The following LRR1 variants were observed in gnomAD, a reference collection of about 807,000 sequenced individuals.
The protein encoded by LRR1 is leucine-rich repeat protein 1.
In LRR1, 29 loss-of-function variants were observed where a neutral mutation model predicts 31.6. The observed-to-expected ratio is 0.92, with a 90% confidence interval of 0.68 to 1.25. LRR1 has a LOEUF of 1.25. Ranked by LOEUF, LRR1 falls within the 50% of genes most tolerant of loss-of-function variation. The probability of loss-of-function intolerance (pLI) is 0.00; values close to 1 mark genes in which losing one functional copy is unlikely to be tolerated. For synonymous variants in LRR1, 179 were observed against 181.4 expected (o/e 0.99, Z 0.10); for missense variants, 485 against 487.2 (o/e 1.00, Z 0.04).
chr14:49,599,921 G>T, intron 1 of LRR1: 3 of 1,284,008 alleles, frequency 2.3e-6, no homozygotes, highest in Non-Finnish European at 2.1e-6. Flanking sequence ...CTCCAGGCGG[G>T]CTGAGGCTGA....
chr14:49,610,531 A>G (rs1354894191), intron 3 of LRR1, among the ~76,000 whole-genome samples: 1 of 152,164 alleles, frequency 6.6e-6, no homozygotes, highest in East Asian at 1.9e-4. Context: ...CTAGGATTAC[A>G]GGCATGAGCC....
rs750583452 is a variant in LRR1, at chr14:49,602,323, G to A, written c.184-47G>A. The A allele has an allele frequency of 1.6e-5, 24 of 1,521,252 alleles. 2 individuals are homozygous for A. The South Asian group carries it at 2.6e-4, about 16-fold the overall frequency. 94.2% of individuals were successfully genotyped at this position (1,521,252 alleles called of 1,614,324 possible). A position where few individuals can be genotyped will look rare whatever the true frequency, so the allele number is the denominator to read the frequency against. On this transcript the variant is annotated intron_variant, in intron 1 of 3. Transcript: ENST00000298288. ...TTCTAGTTGTAATAAATGTTACTGA[G>A]TAACAATAATTAGTTTTCTTCTTTT...
rs141911625 is a variant in LRR1, at chr14:49,613,766, G to A, written c.1005-490G>A. Among the ~76,000 whole-genome samples, 467 of 151,952 alleles carry A rather than the reference G, an allele frequency of 3.1e-3. 3 individuals are homozygous for A. Among genetic ancestry groups the A allele is most frequent in the African/African-American group, 0.01 (426 of 41,448 alleles). On this transcript the variant is annotated intron_variant, in intron 3 of 3. Coordinates refer to ENST00000298288, the MANE Select transcript of LRR1 (RefSeq NM_152329.4). ...AGGAGGCAGAGATTGCAGTGAGAGC[G>A]CGCACCACTGCACTCTAGCCTGGGT...
chr14:49,602,530 A>G, intron 2 of LRR1, 62 bp downstream of exon 2: 1 of 1,404,830 alleles, frequency 7.1e-7, no homozygotes, highest in Non-Finnish European at 1.0e-6. Flanking sequence ...TTTTAGAAAC[A>G]GAGTCTTGTT....
chr14:49,602,118 ACT>A (rs1292838096), intron 1 of LRR1, among the ~76,000 whole-genome samples: 15 of 140,764 alleles, frequency 1.1e-4, no homozygotes, highest in African/African-American at 4.0e-4. Flanking sequence ...AGTGAGTGAG[ACT>A]CTGTCTCAAA....
At chr14:49,602,127 CA>C (rs571748856) in intron 1 of LRR1, among the ~76,000 whole-genome samples, 1 of 103,222 alleles carries the variant, frequency 9.7e-6, no homozygotes. Flanking sequence ...GACTCTGTCT[CA>C]AAAAAAAACA....
intron 1 of LRR1, chr14:49,600,537 A>G (rs1393236718): frequency 2.5e-5 from 39 of 1,573,118 alleles, no homozygotes; most frequent in Non-Finnish European, 3.3e-5. Flanking sequence ...TATCATAGCC[A>G]TTTTAACTCC....
chr14:49,599,214 T>C lies in LRR1; in HGVS notation c.183+11T>C, dbSNP rs759036340. 7.0e-5 allele frequency: 112 copies of C among 1,593,832 alleles called. No homozygotes were observed. Among genetic ancestry groups the C allele is most frequent in the Non-Finnish European group, 8.2e-5 (96 of 1,169,858 alleles). ...GGGACCCGCTATGAGGTGCGTGAAG[T>C]GGGCAGGCCCTGTCAGTCTCGCGTT... On this transcript the variant is annotated intron_variant, in intron 1 of 3. Transcript: ENST00000298288.
chr14:49,608,204 A>G (rs1882359555), intron 3 of LRR1, 83 bp downstream of exon 3: 1 of 1,377,104 alleles, frequency 7.3e-7, no homozygotes, highest in Non-Finnish European at 9.6e-7. Context: ...AAAGTCTAAC[A>G]TTGCTTACAG....
intron 2 of LRR1, among the ~76,000 whole-genome samples, chr14:49,602,685 G>A (rs926485579): frequency 5.3e-5 from 8 of 152,140 alleles, no homozygotes; most frequent in African/African-American, 1.9e-4. Flanking sequence ...TTGTAGAGAC[G>A]GAGTCTTGAT....
chr14:49,605,311 A>T (rs1032829467), intron 2 of LRR1, among the ~76,000 whole-genome samples: 2 of 151,782 alleles, frequency 1.3e-5, no homozygotes, highest in Non-Finnish European at 2.9e-5. Context: ...GTGATTTTTC[A>T]TTTTTTTTCT....
intron 2 of LRR1, among the ~76,000 whole-genome samples, chr14:49,603,969 G>T (rs1882189032): frequency 6.6e-6 from 1 of 151,154 alleles, no homozygotes; most frequent in Non-Finnish European, 1.5e-5. Flanking sequence ...GGGATTATAG[G>T]CATGAGCCAC....
intron 3 of LRR1, among the ~76,000 whole-genome samples, chr14:49,609,504 G>A (rs1594590499): frequency 1.4e-5 from 2 of 148,060 alleles, no homozygotes; most frequent in African/African-American, 2.5e-5. Context: ...TCCCGAGTTC[G>A]AGCGATTCTC....
Position 49,599,092 on chromosome 14 carries a change from G to C in LRR1, c.72G>C (p.Lys24Asn), listed in dbSNP as rs565449374. ...CCTTGGGGCTTAGGAACCGGGGCAA[G>C]GGCGTCCGAGCCGTGTTGAGCCTCT... Reference protein sequence around the residue: ...LPALGLRNRGKGVRAVLSLCQ... With the variant: ...LPALGLRNRGNGVRAVLSLCQ... The change falls in exon 1 of 4, where the codon AAG becomes AAC. Residue 24 changes from lysine to asparagine, a missense_variant. Physicochemically the swap from Lys to Asn is moderately conservative, Grantham distance 94. Around this residue, in one of 3 missense-constraint regions of LRR1, gnomAD observed 260 missense variants for 249.6 expected, o/e 1.04. Transcript: ENST00000298288. 1 of 1,607,888 alleles carries C rather than the reference G, an allele frequency of 6.2e-7. No individual in the cohort carries two copies. Among genetic ancestry groups the C allele is most frequent in the South Asian group, 1.1e-5 (1 of 89,880 alleles).
intron 2 of LRR1, among the ~76,000 whole-genome samples, chr14:49,604,049 T>A (rs866837929): frequency 1.4e-5 from 2 of 143,776 alleles, no homozygotes; most frequent in Non-Finnish European, 1.5e-5. Context: ...ACACCTGTAA[T>A]CCCAGCACTT....
chr14:49,601,885 C>G (rs1352069011), intron 1 of LRR1, among the ~76,000 whole-genome samples: 1 of 150,692 alleles, frequency 6.6e-6, no homozygotes, highest in African/African-American at 2.4e-5. Flanking sequence ...GTAATCCCAG[C>G]ACTTTGGTAG....
Position 49,601,247 on chromosome 14 carries a change from T to C in LRR1, c.184-1123T>C, listed in dbSNP as rs980076607. On this transcript the variant is annotated intron_variant, in intron 1 of 3. Transcript: ENST00000298288. The stretch of plus-strand genomic sequence containing the variant: ...TAAAAAAAATCAGGTCACAGCATCC[T>C]GCACTTGCCTTGTCTTGATATTTGT... The C allele has an allele frequency of 1.1e-5, 14 of 1,263,754 alleles. No individual in the cohort carries two copies. The Admixed American group carries it at 1.4e-4, about 12-fold the overall frequency. 78.3% of individuals were successfully genotyped at this position (1,263,754 alleles called of 1,614,324 possible).
At chr14:49,604,936 C>T (rs1248463997) in intron 2 of LRR1, among the ~76,000 whole-genome samples, 2 of 151,738 alleles carry the variant, frequency 1.3e-5, no homozygotes, top group African/African-American at 4.8e-5. Flanking sequence ...CTCACTCTCA[C>T]CTAGGCTGGA....
At chr14:49,607,315 TGCCATA>T (rs1338010906) in intron 2 of LRR1, 79 bp from the exon 3 acceptor site, 52 of 1,306,336 alleles carry the variant, frequency 4.0e-5, no homozygotes, top group Non-Finnish European at 5.1e-5. Context: ...TCATAAGTAA[TGCCATA>T]GAATTTGTTA....
Sources: allele counts gnomAD v4.1 joint callset (sites outside exome capture counted in the v4.1 genomes callset), GRCh38; gene constraint gnomAD v4.1.1; regional missense constraint gnomAD v4.1.1; transcripts MANE v1.5; gene names NCBI Gene and HGNC (gene_info 2026-07-23, HGNC 2026-07-21).